TMEM26: variants seen among roughly 807,000 people sequenced by gnomAD.
The protein encoded by TMEM26 is transmembrane protein 26.
A neutral mutation model predicts 28.8 loss-of-function variants in TMEM26; 38 were observed. The ratio of observed to expected loss-of-function variants is 1.32; its 90% CI spans 1.02 to 1.73. The LOEUF (loss-of-function observed/expected upper bound fraction) is 1.73, where lower values mean the gene tolerates loss of function less well. TMEM26 is among the 40% of genes most tolerant of loss of function. The pLI, the probability that TMEM26 is intolerant of heterozygous loss-of-function variation, is 0.00. For missense variants in TMEM26, 518 were observed against 447.1 expected, an observed-to-expected ratio of 1.16 and a Z score of -1.43; for synonymous variants, 227 against 182.9, an observed-to-expected ratio of 1.24 and a Z score of -1.95.
chr10:61,422,084 A>C lies in TMEM26; in HGVS notation c.605+6842T>G, dbSNP rs148336921. 5.0e-4 allele frequency among the ~76,000 whole-genome samples: 76 copies of C among 152,256 alleles called. 1 individual carries two copies. The highest frequency in any genetic ancestry group is 1.8e-3 in the African/African-American group (74 of 41,562). On this transcript the variant is annotated intron_variant, in intron 4 of 5. Coordinates refer to ENST00000399298, the MANE Select transcript of TMEM26 (RefSeq NM_178505.8). Reference sequence around the variant, plus strand: ...AAAGAAAAAGTGATCATTCATGATAAAATGTTACTACATTGGAAATATGTT... The same window carrying C: ...AAAGAAAAAGTGATCATTCATGATACAATGTTACTACATTGGAAATATGTT...
rs771377979 is a variant in TMEM26, at chr10:61,428,945, G to A, written c.586C>T (p.Leu196=). 4 of 1,612,966 alleles carry A rather than the reference G, an allele frequency of 2.5e-6. No homozygotes were observed. Among genetic ancestry groups the A allele is most frequent in the Non-Finnish European group, 3.4e-6 (4 of 1,179,300 alleles). ...ADILEFTSET[L]EEQNVRNSPA... ...GCTCACCTCACATTTTGTTCTTCTA[G>A]GGTCTCACTTGTGAATTCCAGTATG... is the stretch of plus-strand genomic sequence containing the variant. The change falls in exon 4 of 6, where the codon CTA becomes TTA. Residue 196 remains leucine, a synonymous_variant. Coordinates refer to ENST00000399298, the MANE Select transcript of TMEM26 (RefSeq NM_178505.8).
rs982997890 is a variant in TMEM26, at chr10:61,439,016, C to T, written c.192-2768G>A. On this transcript the variant is annotated intron_variant, in intron 1 of 5. Transcript: ENST00000399298. Reference sequence around the variant, plus strand: ...ATCCTCAGCCTTGTTTAACTAACCACGTGTCTCTGGTAAGAACAAAGTGCT... The same window carrying T: ...ATCCTCAGCCTTGTTTAACTAACCATGTGTCTCTGGTAAGAACAAAGTGCT... 3.9e-5 allele frequency among the ~76,000 whole-genome samples: 6 copies of T among 152,152 alleles called. No individual in the cohort carries two copies. In the South Asian group the frequency reaches 8.3e-4, roughly 21 times the overall value.
intron 3 of TMEM26, among the ~76,000 whole-genome samples, chr10:61,430,519 C>T (rs1839903324): frequency 6.6e-6 from 1 of 150,760 alleles, no homozygotes. Flanking sequence ...AACAAAACTG[C>T]CTCTGTTCAC....
Position 61,446,817 on chromosome 10 carries a change from C to CAAAAAAAAAAAAAAAAAA in TMEM26, c.191+6056_191+6073dup, listed in dbSNP as rs34030340. ...CTGGCGACAGAGCGAGACTCCATCT[C>CAAAAAAAAAAAAAAAAAA]AAAAAAAAAAAAAAAAAAAAAAAAA... On this transcript the variant is annotated intron_variant, in intron 1 of 5. Coordinates refer to ENST00000399298, the MANE Select transcript of TMEM26 (RefSeq NM_178505.8). Among the ~76,000 whole-genome samples, 4 of 33,938 alleles carry CAAAAAAAAAAAAAAAAAA rather than the reference C, an allele frequency of 1.2e-4. 1 individual carries two copies. The highest frequency in any genetic ancestry group is 2.4e-3 in the East Asian group (2 of 848). The allele number at this position is 33,938 out of a possible 152,430, so 22.3% of individuals were successfully genotyped here.
At chr10:61,429,468 G>GA (rs987069727) in intron 3 of TMEM26, among the ~76,000 whole-genome samples, 1 of 151,832 alleles carries the variant, frequency 6.6e-6, no homozygotes, top group African/African-American at 2.4e-5. Context: ...ACTGTGTAAT[G>GA]AAAAATAACA....
At chr10:61,421,802 C>G (rs1000155284) in intron 4 of TMEM26, among the ~76,000 whole-genome samples, 1 of 152,040 alleles carries the variant, frequency 6.6e-6, no homozygotes, top group Non-Finnish European at 1.5e-5. Flanking sequence ...TTTAAGCCAC[C>G]ATGTTTGTGG....
At chr10:61,420,447 C>A (rs1465110300) in intron 4 of TMEM26, among the ~76,000 whole-genome samples, 1 of 152,060 alleles carries the variant, frequency 6.6e-6, no homozygotes, top group Non-Finnish European at 1.5e-5. Context: ...CATCGACCCA[C>A]ACAGTTCAAA....
rs189739807 is a variant in TMEM26, at chr10:61,406,661, T to A, written c.*3661A>T. 6.6e-6 allele frequency: 1 copy of A among 152,228 alleles called. No individual in the cohort carries two copies. Among genetic ancestry groups the A allele is most frequent in the Admixed American group, 6.5e-5 (1 of 15,270 alleles). The allele number at this position is 152,228 out of a possible 1,614,324, so 9.4% of individuals were successfully genotyped here. ...TTAAGATAAAGTTGTGCACACACTA[T>A]TTAATGCATATAATAAAATACAAAG... On this transcript the variant is annotated 3_prime_UTR_variant, in exon 6 of 6. Coordinates refer to ENST00000399298, the MANE Select transcript of TMEM26 (RefSeq NM_178505.8).
Position 61,431,341 on chromosome 10 carries a change from G to T in TMEM26, c.271-9C>A. On this transcript the variant is annotated splice_polypyrimidine_tract_variant and intron_variant, in intron 2 of 5. Coordinates refer to ENST00000399298, the MANE Select transcript of TMEM26 (RefSeq NM_178505.8). The stretch of plus-strand genomic sequence containing the variant: ...GCCTGGATACTGCAATACTAAGAAT[G>T]GGGTCAGGGAAGGCAATTATGGCAA... The T allele has an allele frequency of 1.2e-6, 2 of 1,610,322 alleles. No homozygotes were observed. The highest frequency in any genetic ancestry group is 1.7e-6 in the Non-Finnish European group (2 of 1,176,950).
intron 4 of TMEM26, chr10:61,416,117 A>G (rs1223953034): frequency 1.3e-5 from 6 of 450,918 alleles, no homozygotes; most frequent in Non-Finnish European, 2.7e-5. Flanking sequence ...AATTTTTCCA[A>G]CAGAGCCTGC....
chr10:61,422,764 G>GA (rs1295636866), intron 4 of TMEM26, among the ~76,000 whole-genome samples: 3 of 151,300 alleles, frequency 2.0e-5, no homozygotes, highest in Non-Finnish European at 3.0e-5. Context: ...GAAGAAATTA[G>GA]AAAAAAAAGA....
intron 3 of TMEM26, among the ~76,000 whole-genome samples, chr10:61,430,090 C>T (rs1839896369): frequency 6.6e-6 from 1 of 151,918 alleles, no homozygotes; most frequent in African/African-American, 2.4e-5. Context: ...TACTATGAAA[C>T]TTTGCGTACA....
At chr10:61,412,846 A>G in intron 5 of TMEM26, 1 of 834,706 alleles carries the variant, frequency 1.2e-6, no homozygotes, top group Non-Finnish European at 1.7e-6. Flanking sequence ...GCCCTAGATT[A>G]TTGCTAGTAT....
intron 4 of TMEM26, among the ~76,000 whole-genome samples, chr10:61,416,650 G>A (rs1290423846): frequency 6.6e-6 from 1 of 151,788 alleles, no homozygotes; most frequent in African/African-American, 2.4e-5. Flanking sequence ...TTATAAAATT[G>A]GGATAATAAA....
intron 4 of TMEM26, chr10:61,414,554 T>C (rs1839619345): frequency 6.6e-6 from 1 of 152,056 alleles, no homozygotes; most frequent in Non-Finnish European, 1.5e-5. Flanking sequence ...TAAACCATCA[T>C]TATCTGTCTT....
chr10:61,417,140 G>A (rs1408636868), intron 4 of TMEM26, among the ~76,000 whole-genome samples: 1 of 151,918 alleles, frequency 6.6e-6, no homozygotes, highest in Non-Finnish European at 1.5e-5. Flanking sequence ...ATCTGTAAAG[G>A]AATTTTGGGT....
In TMEM26 at chr10:61,408,318, T is replaced by A. The variant is rs541173585; in HGVS notation, c.*2004A>T. 1.4e-4 allele frequency: 21 copies of A among 152,332 alleles called. No homozygotes were observed. The highest frequency in any genetic ancestry group is 1.1e-3 in the Admixed American group (17 of 15,286). 9.4% of individuals were successfully genotyped at this position (152,332 alleles called of 1,614,324 possible). ...CGAGGAGTCTAATTACAAAATACTT[T>A]AATTTAAACACTAGAAACTCATTCA... On this transcript the variant is annotated 3_prime_UTR_variant, in exon 6 of 6. Coordinates refer to ENST00000399298, the MANE Select transcript of TMEM26 (RefSeq NM_178505.8).
rs1293463636 is a variant in TMEM26, at chr10:61,407,245, GAAATGTTC to G, written c.*3069_*3076del. The G allele has an allele frequency of 6.6e-6, 1 of 152,078 alleles. No homozygotes were observed. Among genetic ancestry groups the G allele is most frequent in the East Asian group, 1.9e-4 (1 of 5,198 alleles). 9.4% of individuals were successfully genotyped at this position (152,078 alleles called of 1,614,324 possible). A position where few individuals can be genotyped will look rare whatever the true frequency, so the allele number is the denominator to read the frequency against. On this transcript the variant is annotated 3_prime_UTR_variant, in exon 6 of 6. Coordinates refer to ENST00000399298, the MANE Select transcript of TMEM26 (RefSeq NM_178505.8). Reference sequence around the variant, plus strand: ...AAATGCATGCCTTTCCAGAGCTTTGGAAATGTTCAATTAAATAATGAGTTAACAATTAG... The same window carrying G: ...AAATGCATGCCTTTCCAGAGCTTTGGAATTAAATAATGAGTTAACAATTAG...
At chr10:61,424,784 G>C (rs1300802106) in intron 4 of TMEM26, among the ~76,000 whole-genome samples, 1 of 152,142 alleles carries the variant, frequency 6.6e-6, no homozygotes, top group Non-Finnish European at 1.5e-5. Flanking sequence ...GTGATCCGCT[G>C]ATTTTTGACA....
Sources: gnomAD v4.1 joint callset for allele counts (sites outside exome capture counted in the v4.1 genomes callset) on GRCh38, gnomAD v4.1.1 for gene constraint, MANE v1.5 for transcripts, NCBI Gene and HGNC (gene_info 2026-07-23, HGNC 2026-07-21) for gene names.